The following CLEC2D variants were observed in gnomAD, a reference collection of about 807,000 sequenced individuals.
CLEC2D encodes the protein C-type lectin related f.
A neutral mutation model predicts 20.0 loss-of-function variants in CLEC2D; 16 were observed. That is an observed-to-expected ratio of 0.80 (90% CI 0.54 to 1.22). The LOEUF (loss-of-function observed/expected upper bound fraction) is 1.22, where lower values mean the gene tolerates loss of function less well. Ranked by LOEUF, CLEC2D falls within the 50% of genes most tolerant of loss-of-function variation. The pLI, the probability that CLEC2D is intolerant of heterozygous loss-of-function variation, is 0.00. For synonymous variants in CLEC2D, 77 were observed against 71.1 expected (o/e 1.08, Z -0.42); for missense variants, 207 against 221.5 (o/e 0.93, Z 0.42).
intron 1 of CLEC2D, chr12:9,674,224 AC>A (rs1208491813): frequency 6.6e-6 from 1 of 152,196 alleles, no homozygotes; most frequent in Non-Finnish European, 1.5e-5. Context: ...TGTGCTTGAG[AC>A]CCAGGGCCCT....
chr12:9,689,617 A>G (rs1001205856), intron 3 of CLEC2D, among the ~76,000 whole-genome samples: 2 of 152,160 alleles, frequency 1.3e-5, no homozygotes, highest in African/African-American at 2.4e-5. Context: ...GAAACCGAAA[A>G]CATAATAAAT....
chr12:9,692,816 G>A lies in CLEC2D; in HGVS notation c.358-12G>A, dbSNP rs970101623. ...TTAGATTAATGAATATCATCTCTGT[G>A]TTTTCTGAAAGAATTTCCTGTTGAG... On this transcript the variant is annotated splice_polypyrimidine_tract_variant and intron_variant, in intron 3 of 4. Transcript: ENST00000290855. The A allele has an allele frequency of 1.9e-6, 3 of 1,585,430 alleles. No individual in the cohort carries two copies. The African/African-American group carries it at 4.1e-5, about 21-fold the overall frequency.
chr12:9,696,069 T>C lies in CLEC2D; in HGVS notation c.*1195T>C. 8.1e-7 allele frequency: 1 copy of C among 1,227,322 alleles called. No individual in the cohort carries two copies. 76.0% of individuals were successfully genotyped at this position (1,227,322 alleles called of 1,614,324 possible). A position where few individuals can be genotyped will look rare whatever the true frequency, so the allele number is the denominator to read the frequency against. ...AATCTCCTAAAACACCAAAAGGATCTAGTTCTGTAGAAGACATTAAAGCAA... is the reference window on the plus strand; with the variant it reads ...AATCTCCTAAAACACCAAAAGGATCCAGTTCTGTAGAAGACATTAAAGCAA... On this transcript the variant is annotated 3_prime_UTR_variant, in exon 5 of 5. Transcript: ENST00000290855.
rs1052802484 is a variant in CLEC2D, at chr12:9,699,094, T to C, written c.*4220T>C. ...ACTTTGTCCCAGGCCATTTATGTGA[T>C]CTTCACCCCATTAAGTTCTCCCCAA... On this transcript the variant is annotated 3_prime_UTR_variant, in exon 5 of 5. Coordinates refer to ENST00000290855, the MANE Select transcript of CLEC2D (RefSeq NM_013269.6). 1 of 152,136 alleles carries C rather than the reference T, an allele frequency of 6.6e-6. No homozygotes were observed. The highest frequency in any genetic ancestry group is 1.9e-4 in the East Asian group (1 of 5,192). 9.4% of individuals were successfully genotyped at this position (152,136 alleles called of 1,614,324 possible).
In CLEC2D at chr12:9,696,280, C is replaced by T. The variant is rs1865992426; in HGVS notation, c.*1406C>T. The T allele has an allele frequency of 1.2e-5, 9 of 721,596 alleles. No homozygotes were observed. The highest frequency in any genetic ancestry group is 2.3e-5 in the Non-Finnish European group (9 of 395,446). The allele number at this position is 721,596 out of a possible 1,614,324, so 44.7% of individuals were successfully genotyped here. A position where few individuals can be genotyped will look rare whatever the true frequency, so the allele number is the denominator to read the frequency against. On this transcript the variant is annotated 3_prime_UTR_variant, in exon 5 of 5. Transcript: ENST00000290855. The stretch of plus-strand genomic sequence containing the variant: ...AAAAATTTTCCATCTTATTTCATTT[C>T]TGTAACAGTTGATATCTGGCTGTCC...
In CLEC2D at chr12:9,694,784, G is replaced by A; in HGVS notation, c.486G>A (p.Glu162=). 1 of 1,611,574 alleles carries A rather than the reference G, an allele frequency of 6.2e-7. No homozygotes were observed. The highest frequency in any genetic ancestry group is 1.7e-5 in the Admixed American group (1 of 59,986). ...GGTTTCCTATCCTGGGAGCAGGAGA[G>A]TGTGCCTATTTGAATGACAAAGGTG... ...TRQFPILGAG[E]CAYLNDKGAS... The change falls in exon 5 of 5, where the codon GAG becomes GAA. Residue 162 remains glutamate (E), a synonymous_variant. Transcript: ENST00000290855.
At chr12:9,690,489 G>A (rs1865840174) in intron 3 of CLEC2D, among the ~76,000 whole-genome samples, 1 of 151,900 alleles carries the variant, frequency 6.6e-6, no homozygotes, top group African/African-American at 2.4e-5. Context: ...GTGTCATATA[G>A]TTTATAACTT....
chr12:9,683,673 C>T (rs1439268260), intron 2 of CLEC2D, among the ~76,000 whole-genome samples: 3 of 152,104 alleles, frequency 2.0e-5, no homozygotes, highest in African/African-American at 7.2e-5. Flanking sequence ...TGTCAAAGAT[C>T]AGATGGTTGT....
intron 3 of CLEC2D, among the ~76,000 whole-genome samples, chr12:9,688,898 T>G (rs1865809659): frequency 6.6e-6 from 1 of 152,106 alleles, no homozygotes; most frequent in African/African-American, 2.4e-5. Flanking sequence ...AAGGGAAGAG[T>G]TTGATAAAGA....
rs968220888 is a variant in CLEC2D at position 9,697,825 on chromosome 12, G to A, written c.*2951G>A. On this transcript the variant is annotated 3_prime_UTR_variant, in exon 5 of 5. Transcript: ENST00000290855. ...AGATACAGAGTTGCAGTTACAAAGG[G>A]TGAGTATGTCTAGATATCTAACATA... 6.6e-6 allele frequency: 1 copy of A among 152,122 alleles called. No individual in the cohort carries two copies. The highest frequency in any genetic ancestry group is 6.5e-5 in the Admixed American group (1 of 15,274). The allele number at this position is 152,122 out of a possible 1,614,324, so 9.4% of individuals were successfully genotyped here.
At chr12:9,671,252 C>G (rs1190322644) in intron 1 of CLEC2D, among the ~76,000 whole-genome samples, 1 of 152,280 alleles carries the variant, frequency 6.6e-6, no homozygotes, top group Non-Finnish European at 1.5e-5. Flanking sequence ...GAGGTGGAGT[C>G]TCACTCTGTC....
intron 1 of CLEC2D, chr12:9,680,279 T>G (rs1486225348): frequency 3.8e-6 from 1 of 261,592 alleles, no homozygotes; most frequent in Admixed American, 3.9e-5. Context: ...TCCCCAGCCA[T>G]GTAGAATTGT....
intron 3 of CLEC2D, 22 bp downstream of exon 3, chr12:9,688,108 G>A (rs762506398): frequency 1.3e-6 from 2 of 1,514,694 alleles, no homozygotes; most frequent in Admixed American, 1.9e-5. Context: ...GTTCTGGCCA[G>A]AATCAAAGAT....
At chr12:9,690,894 C>CAAAAG (rs1210310087) in intron 3 of CLEC2D, among the ~76,000 whole-genome samples, 7 of 151,978 alleles carry the variant, frequency 4.6e-5, no homozygotes, top group Non-Finnish European at 1.0e-4. Flanking sequence ...AAAAGTAAAT[C>CAAAAG]TTGTTTTAGT....
chr12:9,677,367 C>T (rs1865539719), intron 1 of CLEC2D, among the ~76,000 whole-genome samples: 1 of 152,046 alleles, frequency 6.6e-6, no homozygotes, highest in Admixed American at 6.6e-5. Context: ...TTCCTTGACC[C>T]ATATGTTGTT....
At chr12:9,688,349 G>T (rs1041088217) in intron 3 of CLEC2D, among the ~76,000 whole-genome samples, 11 of 152,188 alleles carry the variant, frequency 7.2e-5, no homozygotes, top group Non-Finnish European at 1.5e-4. Context: ...CCAGAATTGT[G>T]CAAATAAGGA....
Position 9,692,832 on chromosome 12 carries a change from T to A in CLEC2D, c.362T>A (p.Phe121Tyr). The A allele has an allele frequency of 6.2e-7, 1 of 1,604,684 alleles. No homozygotes were observed. The highest frequency in any genetic ancestry group is 8.5e-7 in the Non-Finnish European group (1 of 1,175,436). Reference sequence around the variant, plus strand: ...CATCTCTGTGTTTTCTGAAAGAATTTCCTGTTGAGATATAAAGGCCCATCT... The same window carrying A: ...CATCTCTGTGTTTTCTGAAAGAATTACCTGTTGAGATATAAAGGCCCATCT... ...AQVESFQELN[F>Y]LLRYKGPSDH... The change falls in exon 4 of 5, where the codon TTC (phenylalanine) becomes TAC (tyrosine). Residue 121 changes from phenylalanine to tyrosine, a missense_variant. By Grantham distance (22) the Phe-to-Tyr change is conservative. Transcript: ENST00000290855.
Position 9,698,198 on chromosome 12 carries a change from C to A in CLEC2D, c.*3324C>A, listed in dbSNP as rs2121005719. 6.6e-6 allele frequency: 1 copy of A among 152,250 alleles called. No individual in the cohort carries two copies. Among genetic ancestry groups the A allele is most frequent in the Middle Eastern group, 3.4e-3 (1 of 292 alleles). 9.4% of individuals were successfully genotyped at this position (152,250 alleles called of 1,614,324 possible). On this transcript the variant is annotated 3_prime_UTR_variant, in exon 5 of 5. Coordinates refer to ENST00000290855, the MANE Select transcript of CLEC2D (RefSeq NM_013269.6). ...GAATGATTAAATCAAACTAACATTT[C>A]ATCATCTCACATACTTATCATTTTC...
chr12:9,673,194 C>T (rs980263153), intron 1 of CLEC2D, among the ~76,000 whole-genome samples: 4 of 152,186 alleles, frequency 2.6e-5, no homozygotes, highest in Non-Finnish European at 4.4e-5. Flanking sequence ...TCCTCATCTT[C>T]GTGGATTTAT....
Sources: gnomAD v4.1 joint callset for allele counts (sites outside exome capture counted in the v4.1 genomes callset) on GRCh38, gnomAD v4.1.1 for gene constraint, MANE v1.5 for transcripts, NCBI Gene and HGNC (gene_info 2026-07-23, HGNC 2026-07-21) for gene names.